The following SCN9A variants were observed in gnomAD, a reference collection of about 807,000 sequenced individuals.
The protein encoded by SCN9A is sodium voltage-gated channel alpha subunit 9, also known as sodium channel protein type 9 subunit alpha.
In SCN9A, 131 loss-of-function variants were observed where a neutral mutation model predicts 187.0. The observed-to-expected ratio is 0.70, with a 90% CI of 0.61 to 0.81. SCN9A has a LOEUF of 0.81. Ranked by LOEUF, SCN9A falls within the 30% of genes least tolerant of loss-of-function variation. The pLI is 0.00. For missense variants in SCN9A, 2,252 were observed against 2,396.6 expected, an observed-to-expected ratio of 0.94 and a Z score of 1.26; for synonymous variants, 809 against 808.6, an observed-to-expected ratio of 1.00 and a Z score of -0.01.
chr2:166,302,826 A>G (rs1698614462), intron 7 of SCN9A: 1 of 200,948 alleles, frequency 5.0e-6, no homozygotes, highest in Non-Finnish European at 9.9e-6. Flanking sequence ...TTATTTCTCT[A>G]GAGAAAATAA....
At chr2:166,364,402 C>T (rs1700364747) in intron 1 of SCN9A, among the ~76,000 whole-genome samples, 1 of 152,100 alleles carries the variant, frequency 6.6e-6, no homozygotes, top group African/African-American at 2.4e-5. Flanking sequence ...GCACTAATCA[C>T]AGTAGCCAAA....
chr2:166,221,386 C>T (rs1694577110), intron 24 of SCN9A, among the ~76,000 whole-genome samples: 2 of 152,070 alleles, frequency 1.3e-5, no homozygotes. Context: ...GGAAGAATCA[C>T]ATTTTCTCAT....
chr2:166,288,375 G>C, intron 10 of SCN9A, 62 bp downstream of exon 10: 1 of 1,324,486 alleles, frequency 7.6e-7, no homozygotes, highest in Admixed American at 1.8e-5. Flanking sequence ...ATACCGCAGA[G>C]CCTCTGTTGT....
chr2:166,342,982 T>C (rs1463154718), intron 1 of SCN9A, among the ~76,000 whole-genome samples: 1 of 152,212 alleles, frequency 6.6e-6, no homozygotes, highest in Non-Finnish European at 1.5e-5. Context: ...ATAGAGTGCA[T>C]TGAGTTTTAA....
intron 24 of SCN9A, among the ~76,000 whole-genome samples, chr2:166,226,175 C>T (rs1694834204): frequency 6.6e-6 from 1 of 152,076 alleles, no homozygotes; most frequent in Admixed American, 6.6e-5. Context: ...TTGGTCTCCC[C>T]AAGCTCCAAC....
intron 1 of SCN9A, among the ~76,000 whole-genome samples, chr2:166,352,070 G>A (rs921865640): frequency 4.6e-5 from 7 of 151,992 alleles, no homozygotes; most frequent in Admixed American, 6.6e-5. Context: ...AATAGTACTT[G>A]ACATCTCAAA....
At chr2:166,285,065 A>C (rs1038929549) in intron 11 of SCN9A, among the ~76,000 whole-genome samples, 1 of 152,182 alleles carries the variant, frequency 6.6e-6, no homozygotes, top group African/African-American at 2.4e-5. Context: ...ACAGCTCTCT[A>C]ATATTCTGGC....
chr2:166,308,619 C>T (rs6757555), intron 2 of SCN9A, among the ~76,000 whole-genome samples: 95,601 of 151,910 alleles, frequency 0.63, 30,615 homozygotes, highest in African/African-American at 0.72. Context: ...TTCTTTATAG[C>T]AGTGTAAAAA....
At chr2:166,310,562 A>C (rs1698909404) in intron 2 of SCN9A, among the ~76,000 whole-genome samples, 1 of 92,008 alleles carries the variant, frequency 1.1e-5, no homozygotes, top group African/African-American at 5.8e-5. Flanking sequence ...ATACCATCTC[A>C]CACCAGTTAG....
At chr2:166,203,641 G>T (rs1029645199) in intron 26 of SCN9A, among the ~76,000 whole-genome samples, 4 of 151,876 alleles carry the variant, frequency 2.6e-5, no homozygotes, top group Non-Finnish European at 4.4e-5. Context: ...TTCAACATTG[G>T]TTTTCCAAGA....
At chr2:166,360,683 G>T (rs1441595376) in intron 1 of SCN9A, among the ~76,000 whole-genome samples, 1 of 152,124 alleles carries the variant, frequency 6.6e-6, no homozygotes, top group Non-Finnish European at 1.5e-5. Flanking sequence ...CCCCATAAAT[G>T]AAAGAGAGAA....
At chr2:166,222,945 CAA>C (rs1309168684) in intron 24 of SCN9A, among the ~76,000 whole-genome samples, 2,297 of 44,768 alleles carry the variant, frequency 0.051, 176 homozygotes, top group Non-Finnish European at 0.06. Context: ...AAAAAAACAA[CAA>C]AAAAAAAAAA....
At chr2:166,268,574 A>G (rs1476528699) in intron 17 of SCN9A, among the ~76,000 whole-genome samples, 1 of 152,030 alleles carries the variant, frequency 6.6e-6, no homozygotes, top group African/African-American at 2.4e-5. Flanking sequence ...AATAAAATGT[A>G]CACTATTTTA....
chr2:166,368,632 C>A (rs1387467211), intron 1 of SCN9A, among the ~76,000 whole-genome samples: 5 of 146,924 alleles, frequency 3.4e-5, no homozygotes, highest in South Asian at 4.3e-4. Flanking sequence ...AACCGGCACA[C>A]CTTTACCTAT....
chr2:166,205,921 C>A (rs991583069), intron 24 of SCN9A, among the ~76,000 whole-genome samples: 2 of 152,158 alleles, frequency 1.3e-5, no homozygotes, highest in Admixed American at 6.5e-5. Context: ...AAATGCTCAT[C>A]ATCACTGGTC....
intron 1 of SCN9A, among the ~76,000 whole-genome samples, chr2:166,338,737 T>C (rs1699692758): frequency 6.6e-6 from 1 of 152,214 alleles, no homozygotes; most frequent in Non-Finnish European, 1.5e-5. Flanking sequence ...TTGTTTTCTT[T>C]TCTTTCGTGA....
chr2:166,366,570 A>G (rs1364759371), intron 1 of SCN9A, among the ~76,000 whole-genome samples: 1 of 152,210 alleles, frequency 6.6e-6, no homozygotes, highest in South Asian at 2.1e-4. Flanking sequence ...GAACTTCCAT[A>G]TTATTTTCCA....
intron 18 of SCN9A, among the ~76,000 whole-genome samples, chr2:166,249,074 G>A (rs1166299034): frequency 6.6e-6 from 1 of 151,984 alleles, no homozygotes. Context: ...TGGGGCATGT[G>A]CCTTCATTAC....
chr2:166,201,889 A>G (rs915617565), intron 26 of SCN9A, among the ~76,000 whole-genome samples: 1 of 151,464 alleles, frequency 6.6e-6, no homozygotes, highest in African/African-American at 2.4e-5. Context: ...GAAAACATCT[A>G]CTATTGTAAT....
Sources: allele counts gnomAD v4.1 joint callset (sites outside exome capture counted in the v4.1 genomes callset), GRCh38; gene constraint gnomAD v4.1.1; transcripts MANE v1.5; gene names NCBI Gene and HGNC (gene_info 2026-07-23, HGNC 2026-07-21).